Variants in FSTL4 observed in about 807,000 individuals in gnomAD.
FSTL4 encodes follistatin-related protein 4.
FSTL4 carries 28 observed loss-of-function variants against 78.2 expected under a neutral mutation model. The observed-to-expected ratio is 0.36, with a 90% confidence interval of 0.27 to 0.49. The LOEUF (loss-of-function observed/expected upper bound fraction) is 0.49. FSTL4 is among the 20% of genes least tolerant of loss of function. FSTL4 has a pLI of 0.98. For missense variants in FSTL4, 922 were observed against 1,084.9 expected, an observed-to-expected ratio of 0.85 and a Z score of 2.11; for synonymous variants, 422 against 440.5, an observed-to-expected ratio of 0.96 and a Z score of 0.53.
At chr5:133,458,090 A>T (rs1330248021) in intron 3 of FSTL4, 5 of 152,226 alleles carry the variant, frequency 3.3e-5, no homozygotes, top group Non-Finnish European at 7.3e-5. Flanking sequence ...ATTGTTTAAA[A>T]ATGTCATGAT....
chr5:133,444,266 C>G (rs1375575750), intron 3 of FSTL4, among the ~76,000 whole-genome samples: 1 of 152,244 alleles, frequency 6.6e-6, no homozygotes, highest in Non-Finnish European at 1.5e-5. Flanking sequence ...GATTCGCCCT[C>G]CAGACCGTTC....
rs1015829237 is a variant in FSTL4 at position 133,225,991 on chromosome 5, G to C, written c.1016-172C>G. 6.5e-6 allele frequency: 3 copies of C among 461,142 alleles called. No individual in the cohort carries two copies. Among genetic ancestry groups the C allele is most frequent in the Admixed American group, 3.8e-5 (1 of 26,648 alleles). The allele number at this position is 461,142 out of a possible 1,614,324, so 28.6% of individuals were successfully genotyped here. A position where few individuals can be genotyped will look rare whatever the true frequency, so the allele number is the denominator to read the frequency against. ...CCAGCAACGCAAGCTCTAAAAGAAA[G>C]GGCTATAAAATAGATTGCAGATAAT... is the stretch of plus-strand genomic sequence containing the variant. On this transcript the variant is annotated intron_variant, in intron 8 of 15. Coordinates refer to ENST00000265342, the MANE Select transcript of FSTL4 (RefSeq NM_015082.2). This position sits in a 1 kb window ranked among gnomAD's most constrained non-coding sequence, Gnocchi z 4.6.
intron 3 of FSTL4, among the ~76,000 whole-genome samples, chr5:133,498,084 A>ACC (rs202037978): frequency 6.6e-6 from 1 of 151,824 alleles, no homozygotes. Context: ...ATTCTTTAGC[A>ACC]CCCCCCCAAT....
At chr5:133,603,767 G>A in intron 2 of FSTL4, 91 bp downstream of exon 2, 1 of 1,395,786 alleles carries the variant, frequency 7.2e-7, no homozygotes, top group Non-Finnish European at 1.0e-6. Flanking sequence ...TGATCTAACT[G>A]ATCTAAACTA....
intron 3 of FSTL4, among the ~76,000 whole-genome samples, chr5:133,514,558 A>G (rs945608035): frequency 3.9e-5 from 6 of 152,226 alleles, no homozygotes; most frequent in African/African-American, 1.4e-4. Flanking sequence ...AGACAATTTC[A>G]GAAGACAAGG....
At chr5:133,423,903 C>T (rs1756751319) in intron 3 of FSTL4, among the ~76,000 whole-genome samples, 1 of 152,184 alleles carries the variant, frequency 6.6e-6, no homozygotes, top group African/African-American at 2.4e-5. Flanking sequence ...AGGACAAGTC[C>T]CTCGGTGCAC....
intron 6 of FSTL4, among the ~76,000 whole-genome samples, chr5:133,282,205 G>A (rs1753025499): frequency 6.6e-6 from 1 of 152,156 alleles, no homozygotes; most frequent in South Asian, 2.1e-4. Context: ...AAGATGGGAA[G>A]GTAGGGCCTG....
At chr5:133,201,825 GAGTGGAGGAGACAGAGAAAT>G in intron 15 of FSTL4, 88 bp downstream of exon 15, 1 of 632,292 alleles carries the variant, frequency 1.6e-6, no homozygotes, top group Non-Finnish European at 2.8e-6. Flanking sequence ...TCCAGCATGG[GAGTGGAGGAGACAGAGAAAT>G]GAGCAGGTCC....
chr5:133,727,019 G>A, the FSTL4 span, among the ~76,000 whole-genome samples: 19 of 152,032 alleles, frequency 1.2e-4, no homozygotes, highest in African/African-American at 4.6e-4. Context: ...CTATGCATTG[G>A]AAAACCGGGT....
In FSTL4 at chr5:133,537,411, A is replaced by G. The variant is rs115594132; in HGVS notation, c.160+29775T>C. Reference sequence around the variant, plus strand: ...TACATTTTCTCTTTGTTACTGTTATACAGATAAGCAATTACATTTTGCATG... The same window carrying G: ...TACATTTTCTCTTTGTTACTGTTATGCAGATAAGCAATTACATTTTGCATG... On this transcript the variant is annotated intron_variant, in intron 3 of 15. Coordinates refer to ENST00000265342, the MANE Select transcript of FSTL4 (RefSeq NM_015082.2). Among the ~76,000 whole-genome samples the G allele has an allele frequency of 9.9e-3, 1,515 of 152,300 alleles. 25 individuals carry two copies. The highest frequency in any genetic ancestry group is 0.034 in the African/African-American group (1,401 of 41,554).
chr5:133,604,006 T>G lies in FSTL4; in HGVS notation c.-10-13A>C. 6.3e-7 allele frequency: 1 copy of G among 1,586,082 alleles called. No individual in the cohort carries two copies. On this transcript the variant is annotated splice_polypyrimidine_tract_variant and intron_variant, in intron 1 of 15. Transcript: ENST00000265342. ...CATTTTGATGAGTCTGTTGAAGAAA[T>G]GACAAATGCTGAGAATAAAACATTA...
rs1164436281 is a variant in FSTL4 at position 133,611,765 on chromosome 5, GC to G, written c.-11+559del. Among the ~76,000 whole-genome samples the G allele has an allele frequency of 6.6e-6, 1 of 152,190 alleles. No individual in the cohort carries two copies. The highest frequency in any genetic ancestry group is 6.5e-5 in the Admixed American group (1 of 15,292). ...CCCGGGGAAGCCAGGGCCAGGCGAA[GC>G]GCAGCGGGCCCTTTGGGCTGCAGCG... On this transcript the variant is annotated intron_variant, in intron 1 of 15. Transcript: ENST00000265342. The surrounding 1 kb of genome is among the most constrained non-coding windows in gnomAD (Gnocchi z 4.9).
chr5:133,840,815 GCAGGGGGACCCCTCTC>G, the FSTL4 span, among the ~76,000 whole-genome samples: 2 of 152,350 alleles, frequency 1.3e-5, no homozygotes, highest in South Asian at 4.1e-4. Context: ...CAATCTTTCT[GCAGGGGGACCCCTCTC>G]CAGGAATTCA....
At chr5:133,317,528 G>A (rs531082091) in intron 4 of FSTL4, among the ~76,000 whole-genome samples, 1 of 152,374 alleles carries the variant, frequency 6.6e-6, no homozygotes, top group South Asian at 2.1e-4. Flanking sequence ...GACCATTCCA[G>A]GTTGAAGGCC....
chr5:133,468,877 C>G (rs944401432), intron 3 of FSTL4, among the ~76,000 whole-genome samples: 1 of 152,048 alleles, frequency 6.6e-6, no homozygotes, highest in Admixed American at 6.5e-5. Flanking sequence ...ATAACACACA[C>G]GAGGGAAGAG....
chr5:133,535,803 G>A (rs993945524), intron 3 of FSTL4, among the ~76,000 whole-genome samples: 3 of 152,202 alleles, frequency 2.0e-5, no homozygotes, highest in Admixed American at 6.5e-5. Flanking sequence ...ATTAGGACAA[G>A]GGGGATAGAA....
chr5:133,333,522 T>C (rs1358208081), intron 4 of FSTL4, among the ~76,000 whole-genome samples: 1 of 152,180 alleles, frequency 6.6e-6, no homozygotes, highest in Non-Finnish European at 1.5e-5. Flanking sequence ...AATCTTATTG[T>C]CACTAACACA....
At chr5:133,277,373 G>A (rs938967802) in intron 6 of FSTL4, among the ~76,000 whole-genome samples, 1 of 152,110 alleles carries the variant, frequency 6.6e-6, no homozygotes, top group Non-Finnish European at 1.5e-5. Flanking sequence ...ACGGGTATGG[G>A]GATTGGGTGC....
chr5:133,400,161 C>A (rs1233600212), intron 4 of FSTL4, among the ~76,000 whole-genome samples: 2 of 152,216 alleles, frequency 1.3e-5, no homozygotes, highest in African/African-American at 4.8e-5. Flanking sequence ...CAGCCTAAAG[C>A]ATGAATCCTT....
Sources: gnomAD v4.1 joint callset for allele counts (sites outside exome capture counted in the v4.1 genomes callset) on GRCh38, gnomAD v4.1.1 for gene constraint, Gnocchi (gnomAD v3.1) non-coding constraint, MANE v1.5 for transcripts, NCBI Gene and HGNC (gene_info 2026-07-23, HGNC 2026-07-21) for gene names.